FAF1: variants seen among roughly 807,000 people sequenced by gnomAD.
The protein encoded by FAF1 is Fas associated factor 1, also known as FAS-associated factor 1.
Under a neutral mutation model 92.5 loss-of-function variants are expected in FAF1, and 25 were observed. The observed-to-expected ratio is 0.27, with a 90% CI of 0.20 to 0.38. The LOEUF (loss-of-function observed/expected upper bound fraction) is 0.38. FAF1 is among the 10% of genes least tolerant of loss of function. FAF1 has a pLI of 1.00. For missense variants in FAF1, 636 were observed against 793.3 expected, an observed-to-expected ratio of 0.80 and a Z score of 2.38; for synonymous variants, 234 against 273.2, an observed-to-expected ratio of 0.86 and a Z score of 1.42.
chr1:50,546,662 C>G (rs1649034538), intron 13 of FAF1, among the ~76,000 whole-genome samples: 1 of 152,032 alleles, frequency 6.6e-6, no homozygotes, highest in South Asian at 2.1e-4. Context: ...CCGCGCCCGG[C>G]CATTAATTTG....
Position 50,738,877 on chromosome 1 carries a change from T to A in FAF1, c.537A>T (p.Ser179=), listed in dbSNP as rs1659247148. Residue 179 remains serine (S), a synonymous_variant, in exon 6 of 19, where the codon TCA becomes TCT. Transcript: ENST00000396153. ...AAACAACTTACCCAGCATGACTAGA[T>A]GATGAAGGTGGTGGCAAATCTGGTG... ...VLTPDLPPPS[S]SSHAGALQES... The A allele has an allele frequency of 6.2e-7, 1 of 1,605,618 alleles. No individual in the cohort carries two copies. Among genetic ancestry groups the A allele is most frequent in the Admixed American group, 1.7e-5 (1 of 59,516 alleles).
At chr1:50,722,499 A>T (rs1449922431) in intron 6 of FAF1, among the ~76,000 whole-genome samples, 2 of 152,042 alleles carry the variant, frequency 1.3e-5, no homozygotes, top group Non-Finnish European at 2.9e-5. Context: ...ATACAAAAAC[A>T]TTAGCCAGGC....
intron 18 of FAF1, among the ~76,000 whole-genome samples, chr1:50,459,904 G>A (rs1305801250): frequency 6.6e-6 from 1 of 152,088 alleles, no homozygotes; most frequent in African/African-American, 2.4e-5. Flanking sequence ...TTTAACATAG[G>A]GCCTAATACC....
At chr1:50,844,390 G>A (rs12067513) in intron 2 of FAF1, among the ~76,000 whole-genome samples, 13,170 of 152,036 alleles carry the variant, frequency 0.087, 586 homozygotes, top group African/African-American at 0.098. Context: ...ATATGTGTAC[G>A]TGGCAGATAC....
intron 2 of FAF1, among the ~76,000 whole-genome samples, chr1:50,857,018 CAATT>C (rs1419441573): frequency 1.3e-5 from 2 of 151,534 alleles, no homozygotes; most frequent in Non-Finnish European, 3.0e-5. Context: ...AAATGTGAAA[CAATT>C]ATTATCTGAG....
chr1:50,929,007 G>A (rs1196759111), intron 1 of FAF1, among the ~76,000 whole-genome samples: 1 of 149,732 alleles, frequency 6.7e-6, no homozygotes, highest in Non-Finnish European at 1.5e-5. Flanking sequence ...AGGAGGCACA[G>A]GTTGCAGTGA....
intron 13 of FAF1, among the ~76,000 whole-genome samples, chr1:50,545,312 T>C (rs1446261937): frequency 6.6e-6 from 1 of 152,232 alleles, no homozygotes; most frequent in Non-Finnish European, 1.5e-5. Context: ...TCTTGCTCTG[T>C]CACCCAGGCT....
At chr1:50,826,340 C>G (rs1644097326) in intron 2 of FAF1, among the ~76,000 whole-genome samples, 1 of 151,912 alleles carries the variant, frequency 6.6e-6, no homozygotes, top group Admixed American at 6.6e-5. Context: ...CACTTGAGAT[C>G]TGGAGTTCAA....
chr1:50,713,748 T>C (rs1658049390), intron 6 of FAF1, among the ~76,000 whole-genome samples: 1 of 150,708 alleles, frequency 6.6e-6, no homozygotes, highest in African/African-American at 2.4e-5. Context: ...CAACCGTAAG[T>C]CACTGCGCCT....
intron 1 of FAF1, among the ~76,000 whole-genome samples, chr1:50,942,078 A>C (rs952150210): frequency 1.3e-5 from 2 of 152,220 alleles, no homozygotes; most frequent in Non-Finnish European, 2.9e-5. Context: ...ATAATTACTT[A>C]ACCTCTTTAC....
intron 7 of FAF1, among the ~76,000 whole-genome samples, chr1:50,688,582 G>A (rs1656777331): frequency 6.6e-6 from 1 of 152,218 alleles, no homozygotes. Flanking sequence ...GGAGGCCAAG[G>A]TGGGTGGATC....
At chr1:50,781,015 C>G in intron 4 of FAF1, 2 of 471,354 alleles carry the variant, frequency 4.2e-6, no homozygotes, top group South Asian at 3.1e-5. Context: ...TGCCAACTCA[C>G]TGGCCACTGT....
intron 3 of FAF1, among the ~76,000 whole-genome samples, chr1:50,794,788 TA>T (rs1351644046): frequency 7.7e-6 from 1 of 129,088 alleles, no homozygotes; most frequent in African/African-American, 2.8e-5. Context: ...CTCACCCAGC[TA>T]TTTTTTTTTT....
chr1:50,830,990 C>T (rs1644147592), intron 2 of FAF1, among the ~76,000 whole-genome samples: 1 of 152,064 alleles, frequency 6.6e-6, no homozygotes, highest in South Asian at 2.1e-4. Flanking sequence ...TATAAAGCTA[C>T]ATTAAGGAAA....
At chr1:50,893,333 G>A (rs575047922) in intron 1 of FAF1, among the ~76,000 whole-genome samples, 18 of 152,310 alleles carry the variant, frequency 1.2e-4, no homozygotes, top group Admixed American at 9.2e-4. Flanking sequence ...TCCTTGGGAA[G>A]ACTTTCCAGG....
chr1:50,600,202 G>A (rs141696261), intron 8 of FAF1, among the ~76,000 whole-genome samples: 1,549 of 152,242 alleles, frequency 0.01, 106 homozygotes, highest in Admixed American at 0.095. Context: ...GAGCTTGACA[G>A]CTTCTCAATG....
At chr1:50,571,868 T>C (rs1420664855) in intron 12 of FAF1, among the ~76,000 whole-genome samples, 2 of 152,194 alleles carry the variant, frequency 1.3e-5, no homozygotes, top group South Asian at 4.1e-4. Context: ...TAAGGAAATA[T>C]TTGCTGATGA....
At chr1:50,676,266 G>A (rs1235076707) in intron 7 of FAF1, among the ~76,000 whole-genome samples, 1 of 152,056 alleles carries the variant, frequency 6.6e-6, no homozygotes, top group East Asian at 1.9e-4. Flanking sequence ...AATTAGCCAG[G>A]TGTGGTGGCA....
intron 1 of FAF1, among the ~76,000 whole-genome samples, chr1:50,910,365 C>G (rs905105205): frequency 2.4e-4 from 37 of 152,336 alleles, no homozygotes; most frequent in South Asian, 6.2e-4. Flanking sequence ...GTCATCCATT[C>G]TCAGATCTCA....
Sources: allele counts gnomAD v4.1 joint callset (sites outside exome capture counted in the v4.1 genomes callset), GRCh38; gene constraint gnomAD v4.1.1; transcripts MANE v1.5; gene names NCBI Gene and HGNC (gene_info 2026-07-23, HGNC 2026-07-21).